Variants in RBPJL observed in about 807,000 individuals in gnomAD.
RBPJL encodes the protein recombination signal binding protein for immunoglobulin kappa J region like, also known as recombining binding protein suppressor of hairless-like protein.
Under a neutral mutation model 57.6 loss-of-function variants are expected in RBPJL, and 50 were observed. The ratio of observed to expected loss-of-function variants is 0.87; its 90% confidence interval spans 0.69 to 1.10. RBPJL has a LOEUF of 1.10. Among genes scored for constraint, RBPJL ranks in the 50% least tolerant of loss-of-function variants. The pLI, the probability that RBPJL is intolerant of heterozygous loss-of-function variation, is 0.00. For synonymous variants in RBPJL, 303 were observed against 294.4 expected, an observed-to-expected ratio of 1.03 and a Z score of -0.30; for missense variants, 684 against 693.7, an observed-to-expected ratio of 0.99 and a Z score of 0.16.
Position 45,311,666 on chromosome 20 carries a change from G to GCGGAATCAAGGGCTGC in RBPJL, c.328+11_328+26dup, listed in dbSNP as rs765307622. On this transcript the variant is annotated splice_region_variant and intron_variant, in intron 4 of 11. Transcript: ENST00000343694. ...AAGCCAGGGCAGGATCAAGGTGAGG[G>GCGGAATCAAGGGCTGC]CGGAATCAAGGGCTGCCGGCCGCCT... 1.3e-5 allele frequency: 21 copies of GCGGAATCAAGGGCTGC among 1,613,966 alleles called. 1 individual carries two copies. The South Asian group carries it at 2.3e-4, about 18-fold the overall frequency.
chr20:45,314,232 C>T (rs1383689133), intron 8 of RBPJL, 88 bp downstream of exon 8: 1 of 1,329,786 alleles, frequency 7.5e-7, no homozygotes, highest in Non-Finnish European at 1.1e-6. Context: ...AGAGTGAGGC[C>T]CCAAGGCATG....
At chr20:45,307,150 C>T (rs1296896029) in intron 1 of RBPJL, among the ~76,000 whole-genome samples, 1 of 152,172 alleles carries the variant, frequency 6.6e-6, no homozygotes, top group Admixed American at 6.5e-5. Context: ...CACTAAACCT[C>T]ATTTCCTTCC....
At chr20:45,307,267 G>A (rs1341110396) in intron 1 of RBPJL, among the ~76,000 whole-genome samples, 1 of 152,042 alleles carries the variant, frequency 6.6e-6, no homozygotes, top group Non-Finnish European at 1.5e-5. Context: ...CAGCAGCTCC[G>A]CCCCCGCCCC....
In RBPJL at chr20:45,316,982, C is replaced by T. The variant is rs1239856225; in HGVS notation, c.*23C>T. On this transcript the variant is annotated 3_prime_UTR_variant, in exon 12 of 12. Transcript: ENST00000343694. ...TAGGCGCGCCCGGTAGCCCCGGCTGCCCACCCTGGAGGGCTGCGCCCGCGC... is the reference window on the plus strand; with the variant it reads ...TAGGCGCGCCCGGTAGCCCCGGCTGTCCACCCTGGAGGGCTGCGCCCGCGC... 3.7e-6 allele frequency: 6 copies of T among 1,602,524 alleles called. No homozygotes were observed. The South Asian group carries it at 5.5e-5, about 15-fold the overall frequency.
At chr20:45,311,315 G>A (rs1428481011) in intron 3 of RBPJL, among the ~76,000 whole-genome samples, 1 of 152,084 alleles carries the variant, frequency 6.6e-6, no homozygotes, top group Admixed American at 6.6e-5. Flanking sequence ...AAGTAATGGC[G>A]GCTGGGATGA....
intron 2 of RBPJL, among the ~76,000 whole-genome samples, chr20:45,308,875 C>G (rs754971057): frequency 1.4e-4 from 22 of 152,162 alleles, no homozygotes; most frequent in Non-Finnish European, 2.8e-4. Flanking sequence ...AGGCTCTAAC[C>G]TGGCTCACTC....
intron 6 of RBPJL, 123 bp from the exon 7 acceptor site, chr20:45,313,327 TCTAACCCTCACCCTAATC>T (rs1987285062): frequency 2.0e-6 from 1 of 499,452 alleles, no homozygotes. Context: ...TCACCCTCAC[TCTAACCCTCACCCTAATC>T]CTAACCCTCA....
At chr20:45,311,528 T>A in intron 3 of RBPJL, 61 bp from the exon 4 acceptor site, 1 of 1,519,916 alleles carries the variant, frequency 6.6e-7, no homozygotes, top group Non-Finnish European at 9.1e-7. Flanking sequence ...TACCTTGCCG[T>A]GCTTACAGGA....
At position 45,311,875 on chromosome 20, in the gene RBPJL, G is replaced by T; in HGVS notation, c.365G>T (p.Gly122Val). Residue 122 changes from glycine (G) to valine (V), a missense_variant, in exon 5 of 12, where the codon GGT (glycine) becomes GTT (valine). Physicochemically the swap from Gly to Val is moderately radical, Grantham distance 109. Coordinates refer to ENST00000343694, the MANE Select transcript of RBPJL (RefSeq NM_014276.4). Reference protein sequence around the residue: ...QAGETGPTVCGYMGLDSASGS... With the variant: ...QAGETGPTVCVYMGLDSASGS... ...GGGGAAACGGGGCCCACGGTCTGCG[G>T]TTACATGGGACTGGACAGCGCGTCC... 3 of 1,551,822 alleles carry T rather than the reference G, an allele frequency of 1.9e-6. No homozygotes were observed. The highest frequency in any genetic ancestry group is 2.6e-6 in the Non-Finnish European group (3 of 1,147,078).
chr20:45,307,126 TG>T (rs1366271933), intron 1 of RBPJL, among the ~76,000 whole-genome samples, 182 bp downstream of exon 1: 1 of 149,910 alleles, frequency 6.7e-6, no homozygotes, highest in Non-Finnish European at 1.5e-5. Flanking sequence ...TGAGGCCCCC[TG>T]GCGCCTAGAA....
At position 45,311,580 on chromosome 20, in the gene RBPJL, T is replaced by C. The variant is rs1255299620; in HGVS notation, c.258-9T>C. 2 of 1,614,048 alleles carry C rather than the reference T, an allele frequency of 1.2e-6. No individual in the cohort carries two copies. The highest frequency in any genetic ancestry group is 2.2e-5 in the East Asian group (1 of 44,876). On this transcript the variant is annotated splice_polypyrimidine_tract_variant and intron_variant, in intron 3 of 11. Transcript: ENST00000343694. The stretch of plus-strand genomic sequence containing the variant: ...GATGCACGACTCCAACACTCACTTA[T>C]CTCCGCAGGTTCTTCTGCCCCCCGC...
Position 45,313,933 on chromosome 20 carries a change from C to G in RBPJL, c.758-102C>G, listed in dbSNP as rs1366233256. The G allele has an allele frequency of 5.9e-6, 5 of 846,556 alleles. No individual in the cohort carries two copies. The East Asian group carries it at 1.2e-4, about 21-fold the overall frequency. The allele number at this position is 846,556 out of a possible 1,614,324, so 52.4% of individuals were successfully genotyped here. On this transcript the variant is annotated intron_variant, in intron 7 of 11. Transcript: ENST00000343694. ...TGAGTACCAAGCTTTCCCGCAGGGC[C>G]CATGTGTGATGTGAGGAAGAGCCAG... is the stretch of plus-strand genomic sequence containing the variant.
chr20:45,312,541 T>G (rs1355711698), intron 6 of RBPJL, 146 bp downstream of exon 6: 3 of 765,114 alleles, frequency 3.9e-6, no homozygotes, highest in African/African-American at 1.8e-5. Flanking sequence ...GGGGAAGGAG[T>G]CTGGATGAGT....
chr20:45,314,449 G>A lies in RBPJL; in HGVS notation c.904G>A (p.Asp302Asn). The change falls in exon 9 of 12, where the codon GAT (aspartate) becomes AAT (asparagine). Residue 302 changes from aspartate to asparagine, a missense_variant. Asp to Asn is a conservative substitution (Grantham distance 23). Transcript: ENST00000343694. ...AGTAGCAAAACAGTGTGCGCTCCTT[G>A]ATGTGGATGAGCCCATCTCCCAGCT... ...RKVAKQCALL[D>N]VDEPISQLHK... 1.2e-6 allele frequency: 2 copies of A among 1,614,174 alleles called. No individual in the cohort carries two copies. The highest frequency in any genetic ancestry group is 1.7e-6 in the Non-Finnish European group (2 of 1,180,014).
intron 7 of RBPJL, 125 bp from the exon 8 acceptor site, chr20:45,313,910 A>AG (rs1490787901): frequency 4.0e-6 from 3 of 756,422 alleles, no homozygotes; most frequent in Non-Finnish European, 6.7e-6. Flanking sequence ...GGCTCCCCTG[A>AG]GTACCAAGCT....
At chr20:45,314,673 C>A in intron 9 of RBPJL, 108 bp downstream of exon 9, 1 of 1,041,738 alleles carries the variant, frequency 9.6e-7, no homozygotes, top group Non-Finnish European at 1.4e-6. Flanking sequence ...CCTGAGCAGC[C>A]TCCCATGGAA....
Position 45,312,653 on chromosome 20 carries a change from A to G in RBPJL, c.619+258A>G, listed in dbSNP as rs543631656. ...AGGTTGGGAGTTGGGGTCCCAGAGC[A>G]GACAAAAGTTGAACTAGGCAGGAGT... On this transcript the variant is annotated intron_variant, in intron 6 of 11. Transcript: ENST00000343694. Among the ~76,000 whole-genome samples the G allele has an allele frequency of 2.6e-5, 4 of 152,244 alleles. No individual in the cohort carries two copies. The South Asian group carries it at 8.3e-4, about 32-fold the overall frequency.
Position 45,311,867 on chromosome 20 carries a change from G to T in RBPJL, c.357G>T (p.Thr119=). 1 of 1,551,740 alleles carries T rather than the reference G, an allele frequency of 6.4e-7. No homozygotes were observed. The change falls in exon 5 of 12, where the codon ACG becomes ACT. Residue 119 remains threonine (T), a synonymous_variant. Coordinates refer to ENST00000343694, the MANE Select transcript of RBPJL (RefSeq NM_014276.4). ...ACCAGGCGGGGGAAACGGGGCCCAC[G>T]GTCTGCGGTTACATGGGACTGGACA... is the stretch of plus-strand genomic sequence containing the variant. The part of the protein sequence containing the change: ...QAHQAGETGP[T]VCGYMGLDSA...
In RBPJL at chr20:45,311,741, G is replaced by C. The variant is rs1600715705; in HGVS notation, c.328+82G>C. ...TGGGCCCGAGACGGGGCGGTTCGCA[G>C]GCGCAGTCTCCCCGCGCCCTCTGGC... On this transcript the variant is annotated intron_variant, in intron 4 of 11. Coordinates refer to ENST00000343694, the MANE Select transcript of RBPJL (RefSeq NM_014276.4). 34 of 1,568,334 alleles carry C rather than the reference G, an allele frequency of 2.2e-5. No individual in the cohort carries two copies. In the South Asian group the frequency reaches 3.7e-4, roughly 17 times the overall value.
Sources: allele counts gnomAD v4.1 joint callset (sites outside exome capture counted in the v4.1 genomes callset), GRCh38; gene constraint gnomAD v4.1.1; transcripts MANE v1.5; gene names NCBI Gene and HGNC (gene_info 2026-07-23, HGNC 2026-07-21).